Variants in RALYL observed in about 807,000 individuals in gnomAD.
The protein encoded by RALYL is RNA-binding Raly-like protein.
Under a neutral mutation model 35.1 loss-of-function variants are expected in RALYL, and 29 were observed. That is an observed-to-expected ratio of 0.83 (90% CI 0.61 to 1.13). RALYL has a LOEUF of 1.13. Among genes scored for constraint, RALYL ranks in the 50% most tolerant of loss-of-function variants. RALYL has a pLI of 0.00. For synonymous variants in RALYL, 120 were observed against 127.6 expected (o/e 0.94, Z 0.40); for missense variants, 359 against 360.4 (o/e 1.00, Z 0.03).
chr8:84,819,173 G>T (rs1442509039), intron 4 of RALYL, among the ~76,000 whole-genome samples: 2 of 151,996 alleles, frequency 1.3e-5, no homozygotes, highest in African/African-American at 4.8e-5. Context: ...CAAAATTAAT[G>T]ATTTCTTTAC....
chr8:84,226,530 A>G (rs962201964), intron 1 of RALYL, among the ~76,000 whole-genome samples: 1 of 152,038 alleles, frequency 6.6e-6, no homozygotes, highest in Non-Finnish European at 1.5e-5. Context: ...CCTCTGAGTG[A>G]TTCTCCTGCC....
At chr8:84,253,346 C>T (rs1166365700) in intron 1 of RALYL, among the ~76,000 whole-genome samples, 16 of 149,894 alleles carry the variant, frequency 1.1e-4, no homozygotes, top group African/African-American at 3.7e-4. Context: ...TGTGCCACCA[C>T]GCCAGGCTAA....
intron 2 of RALYL, among the ~76,000 whole-genome samples, chr8:84,559,095 CA>C (rs1421921111): frequency 6.6e-6 from 1 of 151,838 alleles, no homozygotes; most frequent in Non-Finnish European, 1.5e-5. Flanking sequence ...CTTCCTCTAA[CA>C]TTTTTTTTAA....
chr8:84,547,884 T>C (rs1588116017), intron 2 of RALYL, among the ~76,000 whole-genome samples: 1 of 152,204 alleles, frequency 6.6e-6, no homozygotes. Context: ...TGTCTGAAGC[T>C]TGACTTTTAG....
chr8:84,239,023 A>G (rs13261079), intron 1 of RALYL, among the ~76,000 whole-genome samples: 45,550 of 152,056 alleles, frequency 0.3, 7,902 homozygotes, highest in South Asian at 0.42. Flanking sequence ...ATACCATGTT[A>G]GGCACCATAA....
intron 2 of RALYL, among the ~76,000 whole-genome samples, chr8:84,651,265 G>C (rs1326692497): frequency 1.3e-5 from 2 of 151,490 alleles, no homozygotes; most frequent in Non-Finnish European, 2.9e-5. Context: ...AATTTATTTA[G>C]ACCAATGCCT....
chr8:84,885,799 G>C (rs191547954), intron 7 of RALYL, among the ~76,000 whole-genome samples: 135 of 152,176 alleles, frequency 8.9e-4, no homozygotes, highest in African/African-American at 3.2e-3. Flanking sequence ...ATCTCAACAG[G>C]CCTCTTGATC....
chr8:84,806,266 G>A (rs1824574862), intron 4 of RALYL, among the ~76,000 whole-genome samples: 1 of 152,108 alleles, frequency 6.6e-6, no homozygotes, highest in Non-Finnish European at 1.5e-5. Flanking sequence ...AAGTGATAAA[G>A]CATGCTTTTT....
At chr8:84,869,262 A>G (rs2135176323) in intron 6 of RALYL, among the ~76,000 whole-genome samples, 1 of 152,296 alleles carries the variant, frequency 6.6e-6, no homozygotes, top group Admixed American at 6.5e-5. Flanking sequence ...CTTTGGGAAA[A>G]TCATGTACAT....
chr8:84,716,143 A>G (rs769548804), intron 2 of RALYL, among the ~76,000 whole-genome samples: 2 of 152,158 alleles, frequency 1.3e-5, no homozygotes, highest in Admixed American at 6.6e-5. Flanking sequence ...TTGTTCTTCA[A>G]ATTGCTAGTG....
chr8:84,890,922 G>C (rs1328026472), intron 8 of RALYL, among the ~76,000 whole-genome samples: 1 of 152,094 alleles, frequency 6.6e-6, no homozygotes. Context: ...ACGGTTGTGG[G>C]GGGCAGTTTA....
chr8:84,828,223 T>A (rs1830123047), intron 4 of RALYL, among the ~76,000 whole-genome samples: 1 of 152,178 alleles, frequency 6.6e-6, no homozygotes, highest in East Asian at 1.9e-4. Context: ...TATATATTTT[T>A]AAAAATAAGC....
rs145135701 is a variant in RALYL at position 84,219,774 on chromosome 8, G to T, written c.-24+35350G>T. ...AATTTTGACTGGGTCTAACAGGATAGTAGGACCTATAAGGTAAGGAAATGA... is the reference window on the plus strand; with the variant it reads ...AATTTTGACTGGGTCTAACAGGATATTAGGACCTATAAGGTAAGGAAATGA... On this transcript the variant is annotated intron_variant, in intron 1 of 8. Coordinates refer to ENST00000521268, the MANE Select transcript of RALYL (RefSeq NM_173848.7). 6.6e-5 allele frequency among the ~76,000 whole-genome samples: 10 copies of T among 152,106 alleles called. No homozygotes were observed. The East Asian group carries it at 1.9e-3, about 29-fold the overall frequency.
At chr8:84,249,681 A>C (rs1181970218) in intron 1 of RALYL, among the ~76,000 whole-genome samples, 5 of 152,082 alleles carry the variant, frequency 3.3e-5, no homozygotes, top group Admixed American at 1.3e-4. Flanking sequence ...AATTCTAGAA[A>C]ATCAGAAGAT....
rs755615169 is a variant in RALYL at position 84,415,160 on chromosome 8, G to GTTT, written c.-23-114126_-23-114124dup. ...CCCTTCACTCTAATATTCTGCCTCT[G>GTTT]TTTTTTTTTTTTTTTAATGGAAGTT... On this transcript the variant is annotated intron_variant, in intron 1 of 8. Coordinates refer to ENST00000521268, the MANE Select transcript of RALYL (RefSeq NM_173848.7). Among the ~76,000 whole-genome samples the GTTT allele has an allele frequency of 1.9e-3, 157 of 83,056 alleles. 1 individual carries two copies. Among genetic ancestry groups the GTTT allele is most frequent in the African/African-American group, 6.3e-3 (128 of 20,214 alleles). 54.5% of individuals were successfully genotyped at this position (83,056 alleles called of 152,430 possible).
At chr8:84,901,718 C>T (rs1845720036) in intron 8 of RALYL, among the ~76,000 whole-genome samples, 1 of 152,066 alleles carries the variant, frequency 6.6e-6, no homozygotes, top group African/African-American at 2.4e-5. Context: ...CAGGAGGGCC[C>T]TTAAAGAGGG....
intron 1 of RALYL, among the ~76,000 whole-genome samples, chr8:84,462,714 T>C (rs2050955673): frequency 6.6e-6 from 1 of 151,690 alleles, no homozygotes; most frequent in Non-Finnish European, 1.5e-5. Context: ...TTCTAGTCCC[T>C]TCATAAAATA....
rs566088916 is a variant in RALYL, at chr8:84,898,616, C to G, written c.858+10840C>G. 9.2e-5 allele frequency among the ~76,000 whole-genome samples: 14 copies of G among 152,328 alleles called. No homozygotes were observed. In the South Asian group the frequency reaches 2.9e-3, roughly 32 times the overall value. ...AAATTAAAACCACAATAAGGTAACA[C>G]TGCACACCCTCACTCAGACTGACCA... On this transcript the variant is annotated intron_variant, in intron 8 of 8. Transcript: ENST00000521268.
At chr8:84,545,412 T>C (rs2060288275) in intron 2 of RALYL, among the ~76,000 whole-genome samples, 1 of 152,170 alleles carries the variant, frequency 6.6e-6, no homozygotes, top group Non-Finnish European at 1.5e-5. Flanking sequence ...CTACTAGATT[T>C]TTCTTTCAAA....
Sources: gnomAD v4.1 joint callset for allele counts (sites outside exome capture counted in the v4.1 genomes callset) on GRCh38, gnomAD v4.1.1 for gene constraint, MANE v1.5 for transcripts, NCBI Gene and HGNC (gene_info 2026-07-23, HGNC 2026-07-21) for gene names.